OPA3: variants seen among roughly 807,000 people sequenced by gnomAD.
OPA3 encodes the protein outer mitochondrial membrane lipid metabolism regulator OPA3.
In OPA3, 6 loss-of-function variants were observed where a neutral mutation model predicts 4.0. The ratio of observed to expected loss-of-function variants is 1.51; its 90% CI spans 0.83 to 2.99. The LOEUF is 2.99. OPA3 is among the 30% of genes most tolerant of loss of function. The pLI is 0.00. For synonymous variants in OPA3, 105 were observed against 117.1 expected (o/e 0.90, Z 0.67); for missense variants, 235 against 256.2 (o/e 0.92, Z 0.56).
intron 1 of OPA3, among the ~76,000 whole-genome samples, chr19:45,563,487 C>A (rs1362702027): frequency 6.6e-6 from 1 of 151,428 alleles, no homozygotes; most frequent in Non-Finnish European, 1.5e-5. Flanking sequence ...CCAAGAGAGA[C>A]CCTCTGACAC....
At chr19:45,578,962 C>T (rs1969807350) in intron 1 of OPA3, among the ~76,000 whole-genome samples, 1 of 152,326 alleles carries the variant, frequency 6.6e-6, no homozygotes, top group East Asian at 1.9e-4. Context: ...TACAAACTGT[C>T]CCCCTTTCCC....
rs530916858 is a variant in OPA3, at chr19:45,529,042, G to A, written c.*14C>T. The A allele has an allele frequency of 5.0e-6, 8 of 1,596,726 alleles. No homozygotes were observed. In the East Asian group the frequency reaches 1.6e-4, roughly 31 times the overall value. On this transcript the variant is annotated 3_prime_UTR_variant, in exon 2 of 2. Transcript: ENST00000323060. Reference sequence around the variant, plus strand: ...AGACAGCAGTCACCTCCAAGACCAGGGCCCCGAGACCTCCTATTTCTCGGA... The same window carrying A: ...AGACAGCAGTCACCTCCAAGACCAGAGCCCCGAGACCTCCTATTTCTCGGA...
Position 45,552,611 on chromosome 19 carries a change from G to C in OPA3, c.*903C>G, listed in dbSNP as rs1363741918. 6.6e-6 allele frequency: 1 copy of C among 151,124 alleles called. No homozygotes were observed. Among genetic ancestry groups the C allele is most frequent in the Admixed American group, 6.6e-5 (1 of 15,090 alleles). The allele number at this position is 151,124 out of a possible 1,614,324, so 9.4% of individuals were successfully genotyped here. ...TACAATCTTGGCCTCCACCTCCCAA[G>C]TTCAAGCAATTCTCCTGCCTCAGCC... On this transcript the variant is annotated 3_prime_UTR_variant, in exon 2 of 2. Coordinates refer to ENST00000263275, the MANE Select transcript of OPA3 (RefSeq NM_025136.4).
intron 1 of OPA3, among the ~76,000 whole-genome samples, chr19:45,558,832 G>A (rs1969460238): frequency 1.3e-5 from 2 of 151,584 alleles, no homozygotes; most frequent in Non-Finnish European, 2.9e-5. Flanking sequence ...ACTCTCCAGT[G>A]TGGTGTGACT....
intron 1 of OPA3, among the ~76,000 whole-genome samples, chr19:45,576,547 C>A (rs866816154): frequency 0.023 from 2,626 of 113,212 alleles, 74 homozygotes; most frequent in South Asian, 0.071. Context: ...CCCCCCCCCC[C>A]AAAAAAAAAA....
chr19:45,558,722 G>GTT (rs573234842), intron 1 of OPA3, among the ~76,000 whole-genome samples: 177 of 146,558 alleles, frequency 1.2e-3, no homozygotes, highest in African/African-American at 3.8e-3. Context: ...ATGTTCTGCT[G>GTT]TTTTTTTTTT....
Position 45,548,129 on chromosome 19 carries a change from G to A in OPA3, c.*5385C>T. 1 of 985,636 alleles carries A rather than the reference G, an allele frequency of 1.0e-6. No homozygotes were observed. 61.1% of individuals were successfully genotyped at this position (985,636 alleles called of 1,614,324 possible). ...GTTGATCCTCAGTACACTCAGAGTT[G>A]CCATGCTTCTCCTCTCTCTGTCCAC... On this transcript the variant is annotated 3_prime_UTR_variant, in exon 2 of 2. Coordinates refer to ENST00000263275, the MANE Select transcript of OPA3 (RefSeq NM_025136.4).
rs191860180 is a variant in OPA3 at position 45,569,206 on chromosome 19, C to T, written c.143-15295G>A. 1.4e-3 allele frequency among the ~76,000 whole-genome samples: 216 copies of T among 152,296 alleles called. 1 individual carries two copies. The highest frequency in any genetic ancestry group is 4.5e-3 in the African/African-American group (188 of 41,558). ...GAGCGCTGTGGCTCACGCCTGTAAT[C>T]CCAGCACTTTGGAAGGCCAAGGCAG... On this transcript the variant is annotated intron_variant, in intron 1 of 1. Coordinates refer to ENST00000263275, the MANE Select transcript of OPA3 (RefSeq NM_025136.4).
At chr19:45,581,597 A>G (rs759410573) in intron 1 of OPA3, among the ~76,000 whole-genome samples, 1 of 152,246 alleles carries the variant, frequency 6.6e-6, no homozygotes, top group African/African-American at 2.4e-5. Context: ...TTTCGCCAGC[A>G]TTGCCAGCAC....
chr19:45,572,621 T>C (rs981832506), intron 1 of OPA3, among the ~76,000 whole-genome samples: 4 of 128,056 alleles, frequency 3.1e-5, no homozygotes, highest in Non-Finnish European at 6.8e-5. Context: ...TATATCATGA[T>C]ATATGTATAT....
At chr19:45,539,907 A>G (rs1969164528) in intron 1 of OPA3, among the ~76,000 whole-genome samples, 1 of 152,218 alleles carries the variant, frequency 6.6e-6, no homozygotes, top group Non-Finnish European at 1.5e-5. Flanking sequence ...ATGGAGAGTC[A>G]CTGCAAATGA....
At chr19:45,553,984 T>G in intron 1 of OPA3, 73 bp from the exon 2 acceptor site, 2 of 1,273,662 alleles carry the variant, frequency 1.6e-6, no homozygotes, top group Non-Finnish European at 2.2e-6. Flanking sequence ...ACCCAGGGAA[T>G]GCAGTCACCT....
intron 1 of OPA3, among the ~76,000 whole-genome samples, chr19:45,539,359 G>C (rs1969157152): frequency 1.3e-5 from 2 of 152,176 alleles, no homozygotes; most frequent in South Asian, 4.1e-4. Context: ...AGCACTCTGG[G>C]AGGCTACTCA....
chr19:45,540,752 A>G (rs1439014886), intron 1 of OPA3, among the ~76,000 whole-genome samples: 2 of 151,168 alleles, frequency 1.3e-5, no homozygotes, highest in East Asian at 3.9e-4. Context: ...GCAGTGAGCC[A>G]AGATGGCACC....
exon 2 of OPA3, chr19:45,528,958 T>A: frequency 1.4e-6 from 2 of 1,423,816 alleles, no homozygotes; most frequent in Non-Finnish European, 9.5e-7. Context: ...TGGTGTCAGC[T>A]GGGCCGGTCC....
chr19:45,573,674 C>A (rs1208241489), intron 1 of OPA3, among the ~76,000 whole-genome samples: 1 of 152,050 alleles, frequency 6.6e-6, no homozygotes, highest in Admixed American at 6.6e-5. Flanking sequence ...GGCCGCGCTG[C>A]AAACAGTAAA....
chr19:45,574,929 C>T (rs1311276201), intron 1 of OPA3, among the ~76,000 whole-genome samples: 4 of 152,270 alleles, frequency 2.6e-5, no homozygotes, highest in Admixed American at 6.5e-5. Context: ...CCAGAGGCTA[C>T]GCTGAGAGGG....
intron 1 of OPA3, 147 bp downstream of exon 1, chr19:45,584,476 C>T (rs998064214): frequency 1.3e-6 from 2 of 1,544,062 alleles, no homozygotes; most frequent in Non-Finnish European, 1.7e-6. Context: ...CCCGTACGCC[C>T]CTCTATCAGA....
chr19:45,550,681 T>C lies in OPA3; in HGVS notation c.*2833A>G, dbSNP rs898656177. 1.0e-6 allele frequency: 1 copy of C among 985,836 alleles called. No homozygotes were observed. The highest frequency in any genetic ancestry group is 1.7e-5 in the African/African-American group (1 of 57,234). The allele number at this position is 985,836 out of a possible 1,614,324, so 61.1% of individuals were successfully genotyped here. ...AGGGTGACTCTTGGGCCTCTCCCCA[T>C]CAGAACCCTCCCAGTTTCCCTCCTG... On this transcript the variant is annotated 3_prime_UTR_variant, in exon 2 of 2. Coordinates refer to ENST00000263275, the MANE Select transcript of OPA3 (RefSeq NM_025136.4).
Sources: gnomAD v4.1 joint callset for allele counts (sites outside exome capture counted in the v4.1 genomes callset) on GRCh38, gnomAD v4.1.1 for gene constraint, MANE v1.5 for transcripts, NCBI Gene and HGNC (gene_info 2026-07-23, HGNC 2026-07-21) for gene names.